Variants in RHEB observed in about 807,000 individuals in gnomAD.
RHEB encodes GTP-binding protein Rheb.
In RHEB, 2 loss-of-function variants were observed where a neutral mutation model predicts 28.8. The observed-to-expected ratio is 0.07, with a 90% CI of 0.03 to 0.22. The LOEUF is 0.22. RHEB is among the 10% of genes least tolerant of loss of function. RHEB has a pLI of 1.00. For missense variants in RHEB, 76 were observed against 219.9 expected (o/e 0.35, Z 4.14); for synonymous variants, 69 against 77.3 (o/e 0.89, Z 0.56).
intron 1 of RHEB, among the ~76,000 whole-genome samples, chr7:151,494,185 T>A (rs1314611792): frequency 2.6e-5 from 4 of 152,214 alleles, no homozygotes; most frequent in Non-Finnish European, 5.9e-5. Context: ...CAACATTTTG[T>A]GTAGTAGAAC....
chr7:151,503,983 C>T (rs998185536), intron 1 of RHEB, among the ~76,000 whole-genome samples: 4 of 152,116 alleles, frequency 2.6e-5, no homozygotes, highest in African/African-American at 7.2e-5. Flanking sequence ...AACCATTTCT[C>T]TCTTGGTCTG....
intron 1 of RHEB, among the ~76,000 whole-genome samples, chr7:151,510,314 C>A (rs1265324748): frequency 6.6e-6 from 1 of 152,208 alleles, no homozygotes; most frequent in Admixed American, 6.5e-5. Flanking sequence ...TTAAAGACTG[C>A]CTGCTCTGGA....
intron 1 of RHEB, among the ~76,000 whole-genome samples, chr7:151,497,935 C>T (rs1475705279): frequency 6.6e-6 from 1 of 152,074 alleles, no homozygotes; most frequent in Non-Finnish European, 1.5e-5. Context: ...CTTAAAAATC[C>T]AACGGGGCAT....
At chr7:151,500,817 C>T (rs1447604886) in intron 1 of RHEB, among the ~76,000 whole-genome samples, 2 of 152,064 alleles carry the variant, frequency 1.3e-5, no homozygotes, top group Non-Finnish European at 2.9e-5. Context: ...AATCTCATCT[C>T]TATAGAAAAT....
chr7:151,512,479 T>C lies in RHEB; in HGVS notation c.52+6981A>G, dbSNP rs1425466272. 2.6e-5 allele frequency among the ~76,000 whole-genome samples: 4 copies of C among 151,998 alleles called. No individual in the cohort carries two copies. In the South Asian group the frequency reaches 8.3e-4, roughly 32 times the overall value. ...CTCTGGGAGCCTCGCCATCACCAGGTCCAAACACAACTCATCCAAAAATGC... is the reference window on the plus strand; with the variant it reads ...CTCTGGGAGCCTCGCCATCACCAGGCCCAAACACAACTCATCCAAAAATGC... On this transcript the variant is annotated intron_variant, in intron 1 of 7. Transcript: ENST00000262187.
chr7:151,511,779 T>C (rs1802993704), intron 1 of RHEB, among the ~76,000 whole-genome samples: 2 of 152,102 alleles, frequency 1.3e-5, no homozygotes, highest in Non-Finnish European at 2.9e-5. Flanking sequence ...GCCTCCCTAG[T>C]AGCTGGGATT....
chr7:151,511,942 C>T lies in RHEB; in HGVS notation c.52+7518G>A, dbSNP rs1425899880. Among the ~76,000 whole-genome samples the T allele has an allele frequency of 3.9e-5, 6 of 152,306 alleles. No homozygotes were observed. In the South Asian group the frequency reaches 6.2e-4, roughly 16 times the overall value. ...CTGGAATTATAGGCGAGAGCCACTG[C>T]GCACAGCTGATTATATTTAAAAATC... On this transcript the variant is annotated intron_variant, in intron 1 of 7. Coordinates refer to ENST00000262187, the MANE Select transcript of RHEB (RefSeq NM_005614.4).
intron 1 of RHEB, among the ~76,000 whole-genome samples, chr7:151,501,225 C>T (rs1174727382): frequency 6.6e-6 from 1 of 152,084 alleles, no homozygotes; most frequent in Non-Finnish European, 1.5e-5. Flanking sequence ...GCAAAGGACC[C>T]ATATCCAGAA....
intron 1 of RHEB, among the ~76,000 whole-genome samples, chr7:151,504,166 A>G (rs928649429): frequency 1.3e-4 from 20 of 152,186 alleles, no homozygotes; most frequent in African/African-American, 4.6e-4. Context: ...TTGCTGACAC[A>G]TTTGTGCCCA....
At chr7:151,473,940 C>G (rs1351138304) in intron 4 of RHEB, among the ~76,000 whole-genome samples, 2 of 152,198 alleles carry the variant, frequency 1.3e-5, no homozygotes, top group African/African-American at 4.8e-5. Context: ...TCACAGCAAT[C>G]TAAATAGTTG....
intron 1 of RHEB, among the ~76,000 whole-genome samples, chr7:151,508,626 T>C (rs1802929297): frequency 6.9e-6 from 1 of 144,824 alleles, no homozygotes; most frequent in South Asian, 2.3e-4. Context: ...CATTAGGTTA[T>C]ATTTTTAGTT....
At chr7:151,495,211 A>G (rs1057284272) in intron 1 of RHEB, among the ~76,000 whole-genome samples, 1 of 152,216 alleles carries the variant, frequency 6.6e-6, no homozygotes, top group Non-Finnish European at 1.5e-5. Context: ...AACTCTTTGG[A>G]AAAATGTTAC....
At chr7:151,484,261 A>C (rs968240450) in intron 3 of RHEB, among the ~76,000 whole-genome samples, 1 of 152,234 alleles carries the variant, frequency 6.6e-6, no homozygotes, top group Non-Finnish European at 1.5e-5. Flanking sequence ...AAGAGAAAGA[A>C]AGCAACTAAT....
intron 3 of RHEB, among the ~76,000 whole-genome samples, chr7:151,479,568 A>G (rs1423343385): frequency 6.6e-6 from 1 of 151,822 alleles, no homozygotes; most frequent in Non-Finnish European, 1.5e-5. Context: ...CTGTAGTCCC[A>G]GCTACTCAGG....
chr7:151,516,674 C>T (rs1337090105), intron 1 of RHEB, among the ~76,000 whole-genome samples: 1 of 147,788 alleles, frequency 6.8e-6, no homozygotes, highest in East Asian at 2.0e-4. Flanking sequence ...AAACATAGCA[C>T]TTTTTTGTTT....
chr7:151,470,212 T>A (rs1802135911), intron 7 of RHEB: 1 of 155,866 alleles, frequency 6.4e-6, no homozygotes, highest in Admixed American at 6.5e-5. Context: ...GGGTGGGTAG[T>A]TACAAAATTA....
intron 1 of RHEB, among the ~76,000 whole-genome samples, chr7:151,505,102 C>CAA (rs796748124): frequency 2.3e-4 from 23 of 98,150 alleles, no homozygotes; most frequent in African/African-American, 7.3e-4. Flanking sequence ...AAAGTGAAAA[C>CAA]AAAAAAAAAA....
chr7:151,502,885 T>A (rs1802797624), intron 1 of RHEB: 2 of 848,308 alleles, frequency 2.4e-6, no homozygotes, highest in South Asian at 2.7e-5. Flanking sequence ...ATATGTTTGA[T>A]CAGAGGTTAC....
intron 2 of RHEB, among the ~76,000 whole-genome samples, chr7:151,488,863 T>A (rs1802528673): frequency 6.6e-6 from 1 of 152,234 alleles, no homozygotes; most frequent in African/African-American, 2.4e-5. Context: ...TAAGTTGGAC[T>A]TTCTTCTGAT....
Sources: gnomAD v4.1 joint callset for allele counts (sites outside exome capture counted in the v4.1 genomes callset) on GRCh38, gnomAD v4.1.1 for gene constraint, MANE v1.5 for transcripts, NCBI Gene and HGNC (gene_info 2026-07-23, HGNC 2026-07-21) for gene names.